The following SMURF2 variants were observed in gnomAD, a reference collection of about 807,000 sequenced individuals.
SMURF2 encodes SMAD specific E3 ubiquitin protein ligase 2, also known as E3 ubiquitin-protein ligase SMURF2.
A neutral mutation model predicts 109.6 loss-of-function variants in SMURF2; 48 were observed. The ratio of observed to expected loss-of-function variants is 0.44; its 90% confidence interval spans 0.35 to 0.56. The LOEUF (loss-of-function observed/expected upper bound fraction) is 0.56, where lower values mean the gene tolerates loss of function less well. SMURF2 is among the 20% of genes least tolerant of loss of function. The probability of loss-of-function intolerance (pLI) is 0.01; values close to 1 mark genes in which losing one functional copy is unlikely to be tolerated. For missense variants in SMURF2, 575 were observed against 909.0 expected, an observed-to-expected ratio of 0.63 and a Z score of 4.72; for synonymous variants, 288 against 317.1, an observed-to-expected ratio of 0.91 and a Z score of 0.97.
intron 1 of SMURF2, among the ~76,000 whole-genome samples, chr17:64,657,988 C>T (rs1214145331): frequency 1.3e-5 from 2 of 152,160 alleles, no homozygotes; most frequent in African/African-American, 4.8e-5. Flanking sequence ...CTCAACTACA[C>T]TGGCTTCCTC....
Position 64,547,950 on chromosome 17 carries a change from A to G in SMURF2, c.1870-149T>C. 3.0e-6 allele frequency: 2 copies of G among 671,480 alleles called. No homozygotes were observed. Among genetic ancestry groups the G allele is most frequent in the South Asian group, 1.9e-5 (1 of 52,998 alleles). The allele number at this position is 671,480 out of a possible 1,614,324, so 41.6% of individuals were successfully genotyped here. On this transcript the variant is annotated intron_variant, in intron 16 of 18. Transcript: ENST00000262435. The surrounding 1 kb of genome is among the most constrained non-coding windows in gnomAD (Gnocchi z 4.2). ...TCAGAATCATCTGAAAAGCTTTTCA[A>G]ATTGACATTCCAGGTCCTAGGCTCA...
chr17:64,645,897 T>C (rs1970552359), intron 1 of SMURF2, among the ~76,000 whole-genome samples: 1 of 152,176 alleles, frequency 6.6e-6, no homozygotes, highest in Non-Finnish European at 1.5e-5. Flanking sequence ...ATTTTTCATT[T>C]TATACATATA....
intron 2 of SMURF2, among the ~76,000 whole-genome samples, chr17:64,602,508 T>C (rs1969911665): frequency 6.6e-6 from 1 of 152,218 alleles, no homozygotes; most frequent in African/African-American, 2.4e-5. Context: ...AACCTGATTA[T>C]ATTATTCTCC....
At chr17:64,646,818 T>A (rs890431308) in intron 1 of SMURF2, among the ~76,000 whole-genome samples, 1 of 152,222 alleles carries the variant, frequency 6.6e-6, no homozygotes, top group Non-Finnish European at 1.5e-5. Context: ...TCACCAACAT[T>A]CTGATTTGTC....
chr17:64,566,561 G>GTTTGTTTGTTTTTT lies in SMURF2; in HGVS notation c.1017-3596_1017-3595insAAAAAACAAACAAA, dbSNP rs1969305868. The stretch of plus-strand genomic sequence containing the variant: ...GATGTAGAAATGCTTAAGCTTTCTG[G>GTTTGTTTGTTTTTT]TTTTTTTTTTTTTTTTTTTTTTTTT... On this transcript the variant is annotated intron_variant, in intron 10 of 18. Coordinates refer to ENST00000262435, the MANE Select transcript of SMURF2 (RefSeq NM_022739.4). 6.4e-4 allele frequency among the ~76,000 whole-genome samples: 28 copies of GTTTGTTTGTTTTTT among 43,784 alleles called. 1 individual carries two copies. Among genetic ancestry groups the GTTTGTTTGTTTTTT allele is most frequent in the African/African-American group, 2.0e-3 (27 of 13,302 alleles). 28.7% of individuals were successfully genotyped at this position (43,784 alleles called of 152,430 possible).
intron 8 of SMURF2, among the ~76,000 whole-genome samples, chr17:64,580,265 T>G (rs1555686424): frequency 1.3e-5 from 2 of 152,336 alleles, no homozygotes; most frequent in East Asian, 3.9e-4. Flanking sequence ...ATCTAGGATT[T>G]TATATAAGAT....
chr17:64,650,943 G>A (rs533286247), intron 1 of SMURF2, among the ~76,000 whole-genome samples: 4 of 151,000 alleles, frequency 2.6e-5, no homozygotes, highest in Admixed American at 6.6e-5. Flanking sequence ...TGGGCGCGGC[G>A]GCTCACGTCT....
In SMURF2 at chr17:64,647,083, C is replaced by T. The variant is rs189187470; in HGVS notation, c.52+14746G>A. 1.9e-4 allele frequency among the ~76,000 whole-genome samples: 29 copies of T among 152,266 alleles called. 1 individual carries two copies. Among genetic ancestry groups the T allele is most frequent in the Middle Eastern group, 6.8e-3 (2 of 294 alleles). On this transcript the variant is annotated intron_variant, in intron 1 of 18. Transcript: ENST00000262435. Reference sequence around the variant, plus strand: ...TGGTTACCTGCAAGTTCCCTGAAAGCAAGATAAAGGTCTTAACCTCTTCTT... The same window carrying T: ...TGGTTACCTGCAAGTTCCCTGAAAGTAAGATAAAGGTCTTAACCTCTTCTT...
At chr17:64,604,668 G>A (rs1007969903) in intron 2 of SMURF2, among the ~76,000 whole-genome samples, 3 of 152,018 alleles carry the variant, frequency 2.0e-5, no homozygotes, top group African/African-American at 4.8e-5. Context: ...CCTCTCAGCC[G>A]GGCGCGATGG....
intron 9 of SMURF2, among the ~76,000 whole-genome samples, chr17:64,573,643 T>C (rs1969447150): frequency 1.3e-5 from 2 of 152,236 alleles, no homozygotes; most frequent in South Asian, 4.2e-4. Flanking sequence ...TGAGTAAAGA[T>C]GGTACCTGAG....
intron 1 of SMURF2, among the ~76,000 whole-genome samples, chr17:64,627,312 C>T (rs1450615931): frequency 6.6e-6 from 1 of 151,996 alleles, no homozygotes; most frequent in Non-Finnish European, 1.5e-5. Flanking sequence ...GATGGGGTTT[C>T]GTCTTATTGG....
At chr17:64,607,204 T>TA (rs577990447) in intron 1 of SMURF2, among the ~76,000 whole-genome samples, 1 of 152,202 alleles carries the variant, frequency 6.6e-6, no homozygotes, top group African/African-American at 2.4e-5. Context: ...TTTAAGAATT[T>TA]AAAGTTAATA....
intron 2 of SMURF2, among the ~76,000 whole-genome samples, chr17:64,602,541 G>A (rs1180176621): frequency 2.6e-5 from 4 of 152,102 alleles, no homozygotes; most frequent in African/African-American, 9.7e-5. Context: ...TGAGAGCCAA[G>A]TTACTCCCAT....
At chr17:64,638,520 G>C (rs1970452579) in intron 1 of SMURF2, among the ~76,000 whole-genome samples, 1 of 152,212 alleles carries the variant, frequency 6.6e-6, no homozygotes, top group Non-Finnish European at 1.5e-5. Context: ...TGATGGCTTA[G>C]AAAAGTTTTC....
chr17:64,649,329 C>A (rs1204111996), intron 1 of SMURF2, among the ~76,000 whole-genome samples: 1 of 152,104 alleles, frequency 6.6e-6, no homozygotes, highest in African/African-American at 2.4e-5. Flanking sequence ...ACGCTACAGG[C>A]TACTTTTGAA....
intron 8 of SMURF2, among the ~76,000 whole-genome samples, chr17:64,580,206 G>A (rs1337669947): frequency 3.3e-5 from 5 of 152,094 alleles, no homozygotes; most frequent in South Asian, 2.1e-4. Flanking sequence ...AGAAACTTCC[G>A]TATTCTATTA....
In SMURF2 at chr17:64,586,133, T is replaced by C; in HGVS notation, c.438A>G (p.Gly146=). 1 of 1,610,768 alleles carries C rather than the reference T, an allele frequency of 6.2e-7. No individual in the cohort carries two copies. Among genetic ancestry groups the C allele is most frequent in the Non-Finnish European group, 8.5e-7 (1 of 1,178,970 alleles). The part of the protein sequence containing the change: ...LQSRDRIGTG[G]QVVDCSRLFD... ...ATAAACGACTGCAGTCCACAACTTG[T>C]CCTCCTGTGCCTATTCGGTCTCTGG... Residue 146 remains glycine, a synonymous_variant, in exon 6 of 19, where the codon GGA becomes GGG. Transcript: ENST00000262435.
intron 11 of SMURF2, 124 bp from the exon 12 acceptor site, chr17:64,561,727 T>C (rs1969222746): frequency 3.1e-6 from 2 of 652,034 alleles, no homozygotes; most frequent in Non-Finnish European, 5.3e-6. Flanking sequence ...CCAGGTGCAG[T>C]AGCTCACACC....
At chr17:64,610,007 A>C (rs1463871517) in intron 1 of SMURF2, among the ~76,000 whole-genome samples, 1 of 152,170 alleles carries the variant, frequency 6.6e-6, no homozygotes. Flanking sequence ...TATGAAAAAA[A>C]GCTCATCATC....
Sources: allele counts gnomAD v4.1 joint callset (sites outside exome capture counted in the v4.1 genomes callset), GRCh38; gene constraint gnomAD v4.1.1; non-coding constraint Gnocchi (gnomAD v3.1); transcripts MANE v1.5; gene names NCBI Gene and HGNC (gene_info 2026-07-23, HGNC 2026-07-21).